The following TNIK variants were observed in gnomAD, a reference collection of about 807,000 sequenced individuals.
TNIK encodes TRAF2 and NCK interacting kinase, also known as TRAF2 and NCK-interacting protein kinase.
In TNIK, 49 loss-of-function variants were observed where a neutral mutation model predicts 191.3. The observed-to-expected ratio is 0.26, with a 90% CI of 0.20 to 0.32. The LOEUF (loss-of-function observed/expected upper bound fraction) is 0.32, where lower values mean the gene tolerates loss of function less well. TNIK is among the 10% of genes least tolerant of loss of function. TNIK has a pLI of 1.00. For missense variants in TNIK, 1,155 were observed against 1,702.3 expected (o/e 0.68, Z 5.66); for synonymous variants, 594 against 600.9 (o/e 0.99, Z 0.17).
chr3:171,183,399 A>G (rs1390008526), intron 7 of TNIK, among the ~76,000 whole-genome samples: 1 of 152,230 alleles, frequency 6.6e-6, no homozygotes, highest in African/African-American at 2.4e-5. Context: ...TGTATCACAG[A>G]GCAGAAAATC....
intron 1 of TNIK, among the ~76,000 whole-genome samples, chr3:171,447,457 G>C (rs966833037): frequency 6.6e-6 from 1 of 152,210 alleles, no homozygotes; most frequent in East Asian, 1.9e-4. Flanking sequence ...GGAAGTCTGT[G>C]AGCCTCAGGG....
At chr3:171,361,325 C>A (rs1714935190) in intron 2 of TNIK, among the ~76,000 whole-genome samples, 1 of 152,330 alleles carries the variant, frequency 6.6e-6, no homozygotes, top group Admixed American at 6.5e-5. Context: ...AAATCCCACA[C>A]AGTCCCTGTA....
At position 171,216,775 on chromosome 3, in the gene TNIK, T is replaced by C. The variant is rs141542076; in HGVS notation, c.181-5534A>G. ...TCTGTTTCCTTAAATCGATTACATC[T>C]AACAGACTGTAATAAATTAGATTGT... On this transcript the variant is annotated intron_variant, in intron 3 of 32. Transcript: ENST00000436636. Among the ~76,000 whole-genome samples the C allele has an allele frequency of 3.6e-3, 547 of 152,222 alleles. 3 individuals are homozygous for C. Among genetic ancestry groups the C allele is most frequent in the African/African-American group, 0.012 (503 of 41,542 alleles).
chr3:171,225,942 C>T (rs1353605784), intron 3 of TNIK, among the ~76,000 whole-genome samples: 1 of 152,124 alleles, frequency 6.6e-6, no homozygotes, highest in Non-Finnish European at 1.5e-5. Flanking sequence ...TGCAGAGATC[C>T]TATTCAATCC....
At chr3:171,137,108 C>CTTTTTTTTTTTTTTT (rs71176593) in intron 15 of TNIK, among the ~76,000 whole-genome samples, 2 of 104,160 alleles carry the variant, frequency 1.9e-5, no homozygotes, top group African/African-American at 3.8e-5. Flanking sequence ...TTTAAAAATC[C>CTTTTTTTTTTTTTTT]TTTTTTTTTT....
intron 7 of TNIK, among the ~76,000 whole-genome samples, chr3:171,179,583 C>T (rs1455403477): frequency 6.6e-6 from 1 of 152,158 alleles, no homozygotes; most frequent in Non-Finnish European, 1.5e-5. Context: ...TCCCGAGTAG[C>T]TGGGACTACA....
At chr3:171,425,665 A>T (rs1207503388) in intron 1 of TNIK, among the ~76,000 whole-genome samples, 1 of 151,964 alleles carries the variant, frequency 6.6e-6, no homozygotes, top group African/African-American at 2.4e-5. Context: ...GTTCCTACTA[A>T]AAATACAGAA....
At chr3:171,458,173 G>A (rs139066357) in intron 1 of TNIK, among the ~76,000 whole-genome samples, 6 of 93,304 alleles carry the variant, frequency 6.4e-5, no homozygotes, top group Non-Finnish European at 1.1e-4. Context: ...ACCTCCGACC[G>A]ATTCGCAGCA....
intron 2 of TNIK, among the ~76,000 whole-genome samples, chr3:171,240,226 T>C (rs954363555): frequency 6.6e-6 from 1 of 152,144 alleles, no homozygotes; most frequent in African/African-American, 2.4e-5. Context: ...TTGCTGACTC[T>C]TGGAAATCTT....
intron 15 of TNIK, 47 bp from the exon 16 acceptor site, chr3:171,128,925 G>C (rs377281674): frequency 8.1e-5 from 118 of 1,457,058 alleles, no homozygotes; most frequent in Non-Finnish European, 1.0e-4. Context: ...TCAATGTATA[G>C]AAGTAGATCA....
intron 12 of TNIK, 47 bp from the exon 13 acceptor site, chr3:171,140,556 G>T (rs746919902): frequency 5.7e-6 from 9 of 1,570,952 alleles, no homozygotes; most frequent in Non-Finnish European, 7.9e-6. Flanking sequence ...GGCCCCGGTG[G>T]GGGGTGTCAG....
chr3:171,235,348 G>T (rs1170391223), intron 2 of TNIK, among the ~76,000 whole-genome samples: 1 of 152,144 alleles, frequency 6.6e-6, no homozygotes, highest in Admixed American at 6.5e-5. Context: ...AATCTCATCT[G>T]TGGCTTTCAT....
At chr3:171,332,569 T>A (rs1277621355) in intron 2 of TNIK, among the ~76,000 whole-genome samples, 1 of 152,172 alleles carries the variant, frequency 6.6e-6, no homozygotes, top group Non-Finnish European at 1.5e-5. Flanking sequence ...CAGGACAGAA[T>A]ATCTGCTGTT....
At chr3:171,381,439 G>A (rs1226753517) in intron 1 of TNIK, among the ~76,000 whole-genome samples, 1 of 152,162 alleles carries the variant, frequency 6.6e-6, no homozygotes, top group African/African-American at 2.4e-5. Context: ...CACTCCTTAA[G>A]GAAGCTTTGT....
chr3:171,104,565 A>T (rs1175337333), intron 21 of TNIK, among the ~76,000 whole-genome samples: 8 of 151,920 alleles, frequency 5.3e-5, no homozygotes, highest in Non-Finnish European at 1.2e-4. Flanking sequence ...AATCAACTAG[A>T]TATAATTTTT....
At chr3:171,315,229 A>T (rs1754475201) in intron 2 of TNIK, among the ~76,000 whole-genome samples, 1 of 152,164 alleles carries the variant, frequency 6.6e-6, no homozygotes, top group South Asian at 2.1e-4. Flanking sequence ...ACAAAAACAC[A>T]GCTTTATTTC....
intron 3 of TNIK, among the ~76,000 whole-genome samples, chr3:171,216,021 G>C (rs1392539096): frequency 6.6e-6 from 1 of 152,076 alleles, no homozygotes; most frequent in Non-Finnish European, 1.5e-5. Context: ...CTCTGCTCCC[G>C]CTCATCTGCA....
chr3:171,150,734 G>A lies in TNIK; in HGVS notation c.1221+6726C>T, dbSNP rs536984549. Among the ~76,000 whole-genome samples the A allele has an allele frequency of 9.2e-5, 14 of 152,304 alleles. No homozygotes were observed. In the South Asian group the frequency reaches 2.7e-3, roughly 29 times the overall value. Reference sequence around the variant, plus strand: ...AGAAATCCGCAAAAGGACAAAGAATGGGCCGCCTCCTTGTCCTGACAAGGC... The same window carrying A: ...AGAAATCCGCAAAAGGACAAAGAATAGGCCGCCTCCTTGTCCTGACAAGGC... On this transcript the variant is annotated intron_variant, in intron 12 of 32. Coordinates refer to ENST00000436636, the MANE Select transcript of TNIK (RefSeq NM_015028.4).
intron 4 of TNIK, among the ~76,000 whole-genome samples, chr3:171,202,501 TA>T (rs1560255771): frequency 6.6e-6 from 1 of 152,110 alleles, no homozygotes; most frequent in South Asian, 2.1e-4. Context: ...AAAAGTTATC[TA>T]AAAAAAGGAA....
Sources: allele counts gnomAD v4.1 joint callset (sites outside exome capture counted in the v4.1 genomes callset), GRCh38; gene constraint gnomAD v4.1.1; transcripts MANE v1.5; gene names NCBI Gene and HGNC (gene_info 2026-07-23, HGNC 2026-07-21).